The following ARHGAP15 variants were observed in gnomAD, a reference collection of about 807,000 sequenced individuals.
ARHGAP15 encodes the protein rho GTPase-activating protein 15.
ARHGAP15 carries 51 observed loss-of-function variants against 63.7 expected under a neutral mutation model. The ratio of observed to expected loss-of-function variants is 0.80; its 90% CI spans 0.64 to 1.01. ARHGAP15 has a LOEUF of 1.01. Ranked by LOEUF, ARHGAP15 falls within the 50% of genes least tolerant of loss-of-function variation. The pLI is 0.00. For synonymous variants in ARHGAP15, 191 were observed against 193.8 expected (o/e 0.99, Z 0.12); for missense variants, 560 against 564.6 (o/e 0.99, Z 0.08).
At chr2:143,214,451 C>T (rs17812380) in intron 3 of ARHGAP15, among the ~76,000 whole-genome samples, 4,862 of 151,784 alleles carry the variant, frequency 0.032, 118 homozygotes, top group Middle Eastern at 0.12. Flanking sequence ...ATGGGTTTTA[C>T]GAGGTAGAAA....
At chr2:143,285,266 A>AT (rs528509066) in intron 6 of ARHGAP15, among the ~76,000 whole-genome samples, 5 of 151,994 alleles carry the variant, frequency 3.3e-5, no homozygotes, top group Admixed American at 1.3e-4. Context: ...CTAATTCAAT[A>AT]TTTTTTTTCA....
intron 2 of ARHGAP15, among the ~76,000 whole-genome samples, chr2:143,171,356 C>G (rs955389206): frequency 1.3e-5 from 2 of 152,088 alleles, no homozygotes; most frequent in Admixed American, 6.6e-5. Context: ...TGTTGCTCTT[C>G]GTCTTTGCTC....
rs559987111 is a variant in ARHGAP15, at chr2:143,430,803, T to A, written c.475-4798T>A. ...TAATAGCAATTAAATTCCATTCCTC[T>A]TATTTATGTCTCTCTAGAACCACTG... On this transcript the variant is annotated intron_variant, in intron 6 of 13. Coordinates refer to ENST00000295095, the MANE Select transcript of ARHGAP15 (RefSeq NM_018460.4). Among the ~76,000 whole-genome samples the A allele has an allele frequency of 3.3e-5, 5 of 152,168 alleles. No homozygotes were observed. The South Asian group carries it at 1.0e-3, about 32-fold the overall frequency.
chr2:143,510,020 A>T (rs1304033864), intron 9 of ARHGAP15, among the ~76,000 whole-genome samples: 1 of 53,596 alleles, frequency 1.9e-5, no homozygotes, highest in African/African-American at 7.4e-5. Flanking sequence ...CTCCCTCTTA[A>T]AAAAAAAAAA....
At chr2:143,760,976 C>T (rs1246250649) in intron 13 of ARHGAP15, among the ~76,000 whole-genome samples, 2 of 151,982 alleles carry the variant, frequency 1.3e-5, no homozygotes, top group East Asian at 3.8e-4. Flanking sequence ...AATGCAAAAA[C>T]ACTTGTGAAT....
In ARHGAP15 at chr2:143,172,878, C is replaced by T. The variant is rs148161190; in HGVS notation, c.165+17223C>T. Among the ~76,000 whole-genome samples the T allele has an allele frequency of 1.2e-3, 180 of 152,094 alleles. 1 individual carries two copies. Among genetic ancestry groups the T allele is most frequent in the African/African-American group, 4.1e-3 (170 of 41,528 alleles). ...ATATAATTTTGATGTCAACAACCAA[C>T]AGATGGTATTTAATGCTACAGAAAT... On this transcript the variant is annotated intron_variant, in intron 2 of 13. Coordinates refer to ENST00000295095, the MANE Select transcript of ARHGAP15 (RefSeq NM_018460.4).
intron 10 of ARHGAP15, among the ~76,000 whole-genome samples, chr2:143,540,363 G>T (rs1052924026): frequency 2.6e-5 from 4 of 152,060 alleles, no homozygotes; most frequent in African/African-American, 9.7e-5. Flanking sequence ...TAACTGGAGC[G>T]TTTAGCCCAT....
At chr2:143,766,569 C>G (rs547374929) in intron 13 of ARHGAP15, 33 of 152,266 alleles carry the variant, frequency 2.2e-4, no homozygotes, top group African/African-American at 7.9e-4. Flanking sequence ...AGAATAAAAA[C>G]TGTATGCTGA....
intron 10 of ARHGAP15, among the ~76,000 whole-genome samples, chr2:143,539,078 A>G (rs1161596934): frequency 6.6e-6 from 1 of 152,094 alleles, no homozygotes; most frequent in Non-Finnish European, 1.5e-5. Flanking sequence ...GTCTATTCAG[A>G]GATTCAACTT....
intron 9 of ARHGAP15, among the ~76,000 whole-genome samples, chr2:143,490,649 C>T (rs1195066179): frequency 6.6e-6 from 1 of 152,098 alleles, no homozygotes. Context: ...GAGACAGAGG[C>T]TCACTCTGTC....
intron 3 of ARHGAP15, among the ~76,000 whole-genome samples, chr2:143,212,124 C>T (rs902576337): frequency 6.7e-6 from 1 of 149,286 alleles, no homozygotes; most frequent in Non-Finnish European, 1.5e-5. Context: ...CTGAGAACAA[C>T]ATGAAGCCTT....
intron 13 of ARHGAP15, among the ~76,000 whole-genome samples, chr2:143,729,931 C>A (rs140541160): frequency 3.3e-5 from 5 of 152,138 alleles, no homozygotes; most frequent in African/African-American, 9.6e-5. Flanking sequence ...AGGGAGAAAT[C>A]ATAAATAAGT....
intron 12 of ARHGAP15, among the ~76,000 whole-genome samples, chr2:143,630,378 A>ATAAT (rs1300709210): frequency 6.6e-6 from 1 of 152,064 alleles, no homozygotes; most frequent in Non-Finnish European, 1.5e-5. Flanking sequence ...ATTCTTATTT[A>ATAAT]TAATTATTTA....
At chr2:143,315,443 T>G (rs552733205) in intron 6 of ARHGAP15, among the ~76,000 whole-genome samples, 3 of 152,324 alleles carry the variant, frequency 2.0e-5, no homozygotes, top group Non-Finnish European at 4.4e-5. Flanking sequence ...TTGATATACA[T>G]GTGGCTCCCA....
At chr2:143,277,767 G>A (rs1401360070) in intron 6 of ARHGAP15, among the ~76,000 whole-genome samples, 1 of 152,026 alleles carries the variant, frequency 6.6e-6, no homozygotes, top group Non-Finnish European at 1.5e-5. Flanking sequence ...TCCTCTTGCT[G>A]TCCCATTCTC....
intron 11 of ARHGAP15, among the ~76,000 whole-genome samples, chr2:143,603,492 G>A (rs916354229): frequency 6.6e-6 from 1 of 152,080 alleles, no homozygotes; most frequent in Non-Finnish European, 1.5e-5. Flanking sequence ...TTGTATTGTT[G>A]TTTGACTTTT....
chr2:143,389,999 G>T, intron 6 of ARHGAP15, among the ~76,000 whole-genome samples: 1 of 142,766 alleles, frequency 7.0e-6, no homozygotes, highest in East Asian at 2.1e-4. Flanking sequence ...AGATGAACCA[G>T]TCCTTTATTA....
At chr2:143,764,980 T>A (rs1374978891) in intron 13 of ARHGAP15, among the ~76,000 whole-genome samples, 1 of 152,174 alleles carries the variant, frequency 6.6e-6, no homozygotes, top group Non-Finnish European at 1.5e-5. Context: ...CTGAGCCCTG[T>A]TCTCTGCTAG....
At chr2:143,407,172 T>C (rs1688233188) in intron 6 of ARHGAP15, among the ~76,000 whole-genome samples, 1 of 151,950 alleles carries the variant, frequency 6.6e-6, no homozygotes, top group South Asian at 2.1e-4. Context: ...TTCAGGAGTA[T>C]ACATTTGCAT....
Sources: gnomAD v4.1 joint callset for allele counts (sites outside exome capture counted in the v4.1 genomes callset) on GRCh38, gnomAD v4.1.1 for gene constraint, MANE v1.5 for transcripts, NCBI Gene and HGNC (gene_info 2026-07-23, HGNC 2026-07-21) for gene names.